The following TRIO variants were observed in gnomAD, a reference collection of about 807,000 sequenced individuals.
TRIO encodes trio Rho guanine nucleotide exchange factor, also known as triple functional domain protein.
TRIO carries 58 observed loss-of-function variants against 351.9 expected under a neutral mutation model. That is an observed-to-expected ratio of 0.16 (90% CI 0.13 to 0.21). The LOEUF (loss-of-function observed/expected upper bound fraction) is 0.21, where lower values mean the gene tolerates loss of function less well. Among genes scored for constraint, TRIO ranks in the 10% least tolerant of loss-of-function variants. The pLI, the probability that TRIO is intolerant of heterozygous loss-of-function variation, is 1.00. For missense variants in TRIO, 3,201 were observed against 4,027.8 expected, an observed-to-expected ratio of 0.79 and a Z score of 5.56; for synonymous variants, 1,758 against 1,595.7, an observed-to-expected ratio of 1.10 and a Z score of -2.42.
intron 1 of TRIO, among the ~76,000 whole-genome samples, chr5:14,203,951 C>T (rs1331800875): frequency 2.0e-5 from 3 of 152,202 alleles, no homozygotes; most frequent in Non-Finnish European, 4.4e-5. Flanking sequence ...CTTATCGTTA[C>T]GTTGCACCTC....
At chr5:14,430,899 G>A (rs1751055640) in intron 34 of TRIO, among the ~76,000 whole-genome samples, 1 of 151,966 alleles carries the variant, frequency 6.6e-6, no homozygotes, top group South Asian at 2.1e-4. Context: ...TTAAATGGAG[G>A]CGGAGTTTCA....
At chr5:14,170,221 A>G (rs1261001433) in intron 1 of TRIO, among the ~76,000 whole-genome samples, 2 of 152,224 alleles carry the variant, frequency 1.3e-5, no homozygotes, top group Non-Finnish European at 2.9e-5. Flanking sequence ...AAAGACTTAT[A>G]AAGTTCTTTG....
At chr5:14,267,745 C>G (rs1795766032) in intron 1 of TRIO, among the ~76,000 whole-genome samples, 1 of 151,458 alleles carries the variant, frequency 6.6e-6, no homozygotes. Context: ...ATACATGCTT[C>G]CTGAGTTCTT....
chr5:14,146,613 C>T (rs996418396), intron 1 of TRIO, among the ~76,000 whole-genome samples: 34 of 152,232 alleles, frequency 2.2e-4, no homozygotes, highest in African/African-American at 7.5e-4. Flanking sequence ...CCTGTGATTT[C>T]TCCATTACTG....
At chr5:14,352,885 TG>T (rs967721510) in intron 11 of TRIO, among the ~76,000 whole-genome samples, 4 of 61,744 alleles carry the variant, frequency 6.5e-5, no homozygotes, top group Non-Finnish European at 1.4e-4. Context: ...CGCTAGTTTT[TG>T]GGTTTTTTTT....
intron 36 of TRIO, among the ~76,000 whole-genome samples, chr5:14,464,860 G>A (rs1045207963): frequency 2.0e-5 from 3 of 152,018 alleles, no homozygotes; most frequent in South Asian, 2.1e-4. Context: ...ACTGAAACTC[G>A]AACTTAGTAG....
At chr5:14,172,722 G>T (rs1789172832) in intron 1 of TRIO, among the ~76,000 whole-genome samples, 1 of 152,234 alleles carries the variant, frequency 6.6e-6, no homozygotes, top group Non-Finnish European at 1.5e-5. Flanking sequence ...TTAAACAAAT[G>T]AGTTGTAGAA....
At chr5:14,308,887 G>A (rs1477907304) in intron 8 of TRIO, among the ~76,000 whole-genome samples, 1 of 149,830 alleles carries the variant, frequency 6.7e-6, no homozygotes, top group Non-Finnish European at 1.5e-5. Flanking sequence ...CATTGACTCA[G>A]TCACCCAACC....
intron 34 of TRIO, among the ~76,000 whole-genome samples, chr5:14,452,758 A>C (rs1752932032): frequency 6.6e-6 from 1 of 152,268 alleles, no homozygotes; most frequent in Non-Finnish European, 1.5e-5. Context: ...TCAGCAATGC[A>C]GTTGTTACTC....
intron 49 of TRIO, among the ~76,000 whole-genome samples, chr5:14,495,658 GAAAAAAAAAAAAAAAAA>G (rs56018324): frequency 3.1e-5 from 1 of 32,584 alleles, no homozygotes; most frequent in African/African-American, 1.1e-4. Context: ...GTCTCTACTA[GAAAAAAAAAAAAAAAAA>G]AAAAAAAAAA....
intron 3 of TRIO, among the ~76,000 whole-genome samples, chr5:14,282,707 T>G (rs532863992): frequency 1.3e-5 from 2 of 152,304 alleles, no homozygotes; most frequent in East Asian, 3.9e-4. Context: ...ATTATTCACC[T>G]GGTGTATTTT....
intron 37 of TRIO, chr5:14,465,965 CA>C: frequency 3.2e-6 from 1 of 316,808 alleles, no homozygotes; most frequent in Non-Finnish European, 6.2e-6. Flanking sequence ...GTCAGGCAGA[CA>C]GAGGATTGCC....
intron 27 of TRIO, among the ~76,000 whole-genome samples, chr5:14,393,418 A>G (rs1747285667): frequency 1.3e-5 from 2 of 152,246 alleles, no homozygotes; most frequent in African/African-American, 4.8e-5. Flanking sequence ...CATGTCTTCA[A>G]GAATAAGAGA....
intron 52 of TRIO, 46 bp downstream of exon 52, chr5:14,498,297 A>G (rs370218334): frequency 1.9e-6 from 3 of 1,598,034 alleles, no homozygotes; most frequent in African/African-American, 2.7e-5. Flanking sequence ...TGGGAGCACC[A>G]TCTTGTCACT....
chr5:14,487,772 G>A lies in TRIO; in HGVS notation c.7144G>A (p.Ala2382Thr), dbSNP rs1756066999. Residue 2382 changes from alanine to threonine, a missense_variant, in exon 48 of 57, where the codon GCC (alanine) becomes ACC (threonine). This residue lies in a region of TRIO where 1,089 missense variants were observed against 954.9 expected (regional missense o/e 1.14). Coordinates refer to ENST00000344204, the MANE Select transcript of TRIO (RefSeq NM_007118.4). The stretch of plus-strand genomic sequence containing the variant: ...GCCCTCCCTGCCTCCCCCTGGCGCG[G>A]CCCCCGAGGCCGGCCCCAGCGCGCC... ...PGPSLPPPGA[A>T]PEAGPSAPSR... 3.7e-6 allele frequency: 5 copies of A among 1,362,336 alleles called. No homozygotes were observed. The East Asian group carries it at 1.7e-4, about 45-fold the overall frequency. The allele number at this position is 1,362,336 out of a possible 1,614,324, so 84.4% of individuals were successfully genotyped here.
intron 1 of TRIO, among the ~76,000 whole-genome samples, chr5:14,245,674 G>A (rs79431615): frequency 0.12 from 17,824 of 152,182 alleles, 1,432 homozygotes; most frequent in African/African-American, 0.22. Flanking sequence ...TTTTTGCACC[G>A]AGTGGACTGA....
intron 34 of TRIO, among the ~76,000 whole-genome samples, chr5:14,456,656 A>G (rs938796233): frequency 1.3e-5 from 2 of 152,170 alleles, no homozygotes; most frequent in African/African-American, 4.8e-5. Flanking sequence ...GTGTGCACAA[A>G]AGTAATTTAA....
intron 11 of TRIO, among the ~76,000 whole-genome samples, chr5:14,354,534 T>G (rs1378457929): frequency 6.6e-6 from 1 of 152,206 alleles, no homozygotes; most frequent in African/African-American, 2.4e-5. Context: ...CAGAGTTGGC[T>G]CCTTTACCTT....
In TRIO at chr5:14,461,277, G is replaced by C; in HGVS notation, c.5462G>C (p.Ser1821Thr). The change falls in exon 35 of 57, where the codon AGT becomes ACT. Residue 1821 changes from serine (S) to threonine (T), a missense_variant. By Grantham distance (58) the Ser-to-Thr change is moderately conservative (BLOSUM62 1). Coordinates refer to ENST00000344204, the MANE Select transcript of TRIO (RefSeq NM_007118.4). ...GGCTCGCAGAAGGACTCCGACGACA[G>C]TGCGGCCACCCCGCAGGACGAGACG... Reference protein sequence around the residue: ...DAGSQKDSDDSAATPQDETVE... With the variant: ...DAGSQKDSDDTAATPQDETVE... The C allele has an allele frequency of 6.3e-7, 1 of 1,595,586 alleles. No individual in the cohort carries two copies. The highest frequency in any genetic ancestry group is 8.5e-7 in the Non-Finnish European group (1 of 1,172,144).
Sources: gnomAD v4.1 joint callset for allele counts (sites outside exome capture counted in the v4.1 genomes callset) on GRCh38, gnomAD v4.1.1 for gene constraint, gnomAD v4.1.1 regional missense constraint, MANE v1.5 for transcripts, NCBI Gene and HGNC (gene_info 2026-07-23, HGNC 2026-07-21) for gene names.